The following ITSN2 variants were observed in gnomAD, a reference collection of about 807,000 sequenced individuals.
The protein encoded by ITSN2 is intersectin-2.
ITSN2 carries 156 observed loss-of-function variants against 243.7 expected under a neutral mutation model. The ratio of observed to expected loss-of-function variants is 0.64; its 90% CI spans 0.56 to 0.73. The LOEUF (loss-of-function observed/expected upper bound fraction) is 0.73. Ranked by LOEUF, ITSN2 falls within the 30% of genes least tolerant of loss-of-function variation. ITSN2 has a pLI of 0.00. For synonymous variants in ITSN2, 703 were observed against 699.9 expected, an observed-to-expected ratio of 1.00 and a Z score of -0.07; for missense variants, 1,801 against 1,996.1, an observed-to-expected ratio of 0.90 and a Z score of 1.86.
At chr2:24,354,927 T>A (rs912272056) in intron 1 of ITSN2, among the ~76,000 whole-genome samples, 2 of 152,248 alleles carry the variant, frequency 1.3e-5, no homozygotes, top group Non-Finnish European at 2.9e-5. Flanking sequence ...TGTCCTGATG[T>A]ATCTATGAAA....
intron 1 of ITSN2, among the ~76,000 whole-genome samples, chr2:24,346,015 GTC>G (rs1687490385): frequency 6.6e-6 from 1 of 152,144 alleles, no homozygotes. Flanking sequence ...ATGGATATGA[GTC>G]CAAATTGTTT....
rs2151487154 is a variant in ITSN2 at position 24,275,854 on chromosome 2, G to A, written c.1945-5C>T. The A allele has an allele frequency of 1.3e-6, 2 of 1,582,124 alleles. No individual in the cohort carries two copies. The highest frequency in any genetic ancestry group is 1.8e-5 in the Admixed American group (1 of 54,896). On this transcript the variant is annotated splice_polypyrimidine_tract_variant and splice_region_variant and intron_variant, in intron 17 of 39. Transcript: ENST00000355123. The stretch of plus-strand genomic sequence containing the variant: ...GTTGTAGGTTTCTCTCAGTTCCTAA[G>A]GAGAAAAAGAAAATAAGTCAATACG...
intron 18 of ITSN2, among the ~76,000 whole-genome samples, chr2:24,272,225 A>G (rs562351126): frequency 6.6e-6 from 1 of 152,230 alleles, no homozygotes; most frequent in East Asian, 1.9e-4. Flanking sequence ...TCCAAACTCA[A>G]GAAAAAAAGA....
At chr2:24,280,600 T>A (rs1678649328) in intron 17 of ITSN2, among the ~76,000 whole-genome samples, 1 of 152,180 alleles carries the variant, frequency 6.6e-6, no homozygotes, top group African/African-American at 2.4e-5. Flanking sequence ...TTTATTATCA[T>A]ATACTCCATT....
At chr2:24,220,692 G>T in intron 30 of ITSN2, 5 of 1,303,158 alleles carry the variant, frequency 3.8e-6, no homozygotes, top group Non-Finnish European at 3.9e-6. Context: ...ATGCCCTCTT[G>T]TTCTCCCGCT....
chr2:24,352,429 G>C (rs1688105465), intron 1 of ITSN2, among the ~76,000 whole-genome samples: 1 of 151,946 alleles, frequency 6.6e-6, no homozygotes, highest in Non-Finnish European at 1.5e-5. Flanking sequence ...ATTAATAAAA[G>C]GACATGTTTT....
intron 29 of ITSN2, among the ~76,000 whole-genome samples, chr2:24,243,611 G>A (rs1216820848): frequency 6.6e-6 from 1 of 152,078 alleles, no homozygotes; most frequent in Non-Finnish European, 1.5e-5. Context: ...GGACTATAGG[G>A]ATATGCCACC....
chr2:24,220,917 GA>G (rs1558441823), intron 30 of ITSN2, 27 bp downstream of exon 30: 1 of 1,579,168 alleles, frequency 6.3e-7, no homozygotes, highest in Non-Finnish European at 8.6e-7. Flanking sequence ...CAGATACCCC[GA>G]GAGCTAGCCA....
intron 29 of ITSN2, among the ~76,000 whole-genome samples, chr2:24,224,569 T>C (rs1329874978): frequency 1.3e-5 from 2 of 152,156 alleles, no homozygotes; most frequent in African/African-American, 4.8e-5. Context: ...AGCAGGATAA[T>C]GTGGGGACAC....
At chr2:24,327,231 C>G (rs980330195) in intron 2 of ITSN2, among the ~76,000 whole-genome samples, 9 of 152,024 alleles carry the variant, frequency 5.9e-5, no homozygotes, top group Admixed American at 6.6e-5. Flanking sequence ...AGAATTAAAG[C>G]TACAATCAGA....
intron 8 of ITSN2, among the ~76,000 whole-genome samples, chr2:24,305,353 G>C (rs1212322391): frequency 1.3e-5 from 2 of 152,118 alleles, no homozygotes; most frequent in Non-Finnish European, 2.9e-5. Flanking sequence ...TGTAATCCCA[G>C]AACTTTGGGA....
Position 24,286,275 on chromosome 2 carries a change from A to T in ITSN2, c.1800T>A (p.Asp600Glu). 6.2e-7 allele frequency: 1 copy of T among 1,605,584 alleles called. No individual in the cohort carries two copies. The highest frequency in any genetic ancestry group is 8.5e-7 in the Non-Finnish European group (1 of 1,172,788). Residue 600 changes from aspartate (D) to glutamate (E), a missense_variant, in exon 16 of 40, where the codon GAT becomes GAA. Physicochemically the swap from Asp to Glu is conservative, Grantham distance 45. Around this residue, in one of 5 missense-constraint regions of ITSN2, gnomAD observed 787 missense variants for 803.9 expected, o/e 0.98. Coordinates refer to ENST00000355123, the MANE Select transcript of ITSN2 (RefSeq NM_006277.3). ...TAGATGCAGTTTCTTTTTCAAGAGC[A>T]TCTAACTGTTCTTTAAGTCTTTGGC... is the stretch of plus-strand genomic sequence containing the variant. Reference protein sequence around the residue: ...ELCQRLKEQLDALEKETASKL... With the variant: ...ELCQRLKEQLEALEKETASKL...
chr2:24,329,500 T>C (rs1685539655), intron 1 of ITSN2, among the ~76,000 whole-genome samples: 1 of 152,184 alleles, frequency 6.6e-6, no homozygotes, highest in African/African-American at 2.4e-5. Flanking sequence ...CTTGAACTCC[T>C]GAGCTCAAGT....
intron 39 of ITSN2, 170 bp from the exon 40 acceptor site, chr2:24,203,953 T>TCTCACACACAAACC: frequency 1.4e-6 from 1 of 690,252 alleles, no homozygotes; most frequent in Non-Finnish European, 2.4e-6. Context: ...GATGGCAGGT[T>TCTCACACACAAACC]TGTGTGTGAG....
At chr2:24,240,467 G>GCTC (rs1266743597) in intron 29 of ITSN2, 131 of 152,210 alleles carry the variant, frequency 8.6e-4, no homozygotes, top group African/African-American at 2.9e-3. Flanking sequence ...CCACCCTAGG[G>GCTC]AGCACACATA....
At chr2:24,337,467 C>G (rs1686577338) in intron 1 of ITSN2, among the ~76,000 whole-genome samples, 1 of 148,600 alleles carries the variant, frequency 6.7e-6, no homozygotes, top group Non-Finnish European at 1.5e-5. Context: ...TCTCCTGCCT[C>G]AGCCTCCCAA....
intron 29 of ITSN2, among the ~76,000 whole-genome samples, chr2:24,229,052 AG>A (rs1157328917): frequency 4.8e-3 from 2 of 418 alleles, no homozygotes; most frequent in African/African-American, 9.1e-3. Context: ...TGCAACTAAC[AG>A]GAAAGCCTCA....
At chr2:24,220,213 G>T (rs1266060563) in intron 30 of ITSN2, 1 of 458,520 alleles carries the variant, frequency 2.2e-6, no homozygotes, top group Non-Finnish European at 2.9e-6. Flanking sequence ...TGTTGGGTGT[G>T]TGGGGGTAGG....
At chr2:24,283,971 A>T (rs1335442266) in intron 17 of ITSN2, among the ~76,000 whole-genome samples, 2 of 152,088 alleles carry the variant, frequency 1.3e-5, no homozygotes, top group Non-Finnish European at 2.9e-5. Context: ...CATCTTTCCA[A>T]TTTGCCCTAC....
Sources: allele counts gnomAD v4.1 joint callset (sites outside exome capture counted in the v4.1 genomes callset), GRCh38; gene constraint gnomAD v4.1.1; regional missense constraint gnomAD v4.1.1; transcripts MANE v1.5; gene names NCBI Gene and HGNC (gene_info 2026-07-23, HGNC 2026-07-21).